IMPG2: variants seen among roughly 807,000 people sequenced by gnomAD.
IMPG2 encodes the protein IPM 200.
IMPG2 carries 91 observed loss-of-function variants against 129.2 expected under a neutral mutation model. That is an observed-to-expected ratio of 0.70 (90% confidence interval 0.59 to 0.84). IMPG2 has a LOEUF of 0.84. Ranked by LOEUF, IMPG2 falls within the 40% of genes least tolerant of loss-of-function variation. The probability of loss-of-function intolerance (pLI) is 0.00; values close to 1 mark genes in which losing one functional copy is unlikely to be tolerated. For missense variants in IMPG2, 1,430 were observed against 1,461.7 expected, an observed-to-expected ratio of 0.98 and a Z score of 0.35; for synonymous variants, 510 against 517.7, an observed-to-expected ratio of 0.99 and a Z score of 0.20.
At chr3:101,236,894 G>C (rs1706352231) in intron 14 of IMPG2, among the ~76,000 whole-genome samples, 1 of 152,178 alleles carries the variant, frequency 6.6e-6, no homozygotes, top group African/African-American at 2.4e-5. Flanking sequence ...AAAGGAGGCT[G>C]AAGCCAGGGA....
At chr3:101,300,216 A>G (rs1707125611) in intron 3 of IMPG2, among the ~76,000 whole-genome samples, 1 of 152,226 alleles carries the variant, frequency 6.6e-6, no homozygotes, top group African/African-American at 2.4e-5. Context: ...ACTGTGGGGT[A>G]TACCTCTTGG....
intron 11 of IMPG2, among the ~76,000 whole-genome samples, chr3:101,246,418 T>C (rs1300542313): frequency 6.6e-6 from 1 of 152,232 alleles, no homozygotes; most frequent in African/African-American, 2.4e-5. Context: ...TTCATTTTCC[T>C]CTGTGTTTTT....
intron 7 of IMPG2, among the ~76,000 whole-genome samples, chr3:101,269,923 A>ATTTTT (rs1559649689): frequency 2.2e-5 from 3 of 133,974 alleles, no homozygotes; most frequent in Non-Finnish European, 4.9e-5. Flanking sequence ...ATTTTATTTT[A>ATTTTT]TTCTTTTTTT....
Position 101,264,899 on chromosome 3 carries a change from C to T in IMPG2, c.908+2612G>A, listed in dbSNP as rs143065157. On this transcript the variant is annotated intron_variant, in intron 9 of 18. Transcript: ENST00000193391. ...AAAAAAATCCAGTGGCATTCCTATA[C>T]ACAAGTAACAATCTAGCTGAGAAAA... Among the ~76,000 whole-genome samples, 698 of 151,680 alleles carry T rather than the reference C, an allele frequency of 4.6e-3. 7 individuals are homozygous for T. Among genetic ancestry groups the T allele is most frequent in the Middle Eastern group, 0.01 (3 of 294 alleles).
intron 2 of IMPG2, among the ~76,000 whole-genome samples, chr3:101,308,549 A>G (rs1707228531): frequency 6.6e-6 from 1 of 152,216 alleles, no homozygotes; most frequent in African/African-American, 2.4e-5. Context: ...GCTGGCACAC[A>G]GGGCACCAAC....
At chr3:101,246,820 T>A (rs943562132) in intron 11 of IMPG2, among the ~76,000 whole-genome samples, 12 of 152,176 alleles carry the variant, frequency 7.9e-5, no homozygotes, top group African/African-American at 2.7e-4. Context: ...TGTACAATGA[T>A]CAGCCAGGCA....
At chr3:101,305,312 G>A (rs998084887) in intron 2 of IMPG2, among the ~76,000 whole-genome samples, 15 of 152,086 alleles carry the variant, frequency 9.9e-5, no homozygotes, top group African/African-American at 3.6e-4. Flanking sequence ...AAAGATCAGT[G>A]GTTTCCAGGG....
intron 10 of IMPG2, among the ~76,000 whole-genome samples, chr3:101,256,126 GAGAAAGAA>G (rs200258460): frequency 1.5e-5 from 1 of 68,060 alleles, no homozygotes. Context: ...AAAAGAAAGA[GAGAAAGAA>G]AGAAAGAAAG....
At chr3:101,285,593 C>T (rs1706938204) in intron 4 of IMPG2, among the ~76,000 whole-genome samples, 1 of 152,154 alleles carries the variant, frequency 6.6e-6, no homozygotes, top group Non-Finnish European at 1.5e-5. Context: ...AGCCAGGCCA[C>T]ATGGTACGTA....
At chr3:101,248,433 T>C (rs1023222010) in intron 11 of IMPG2, among the ~76,000 whole-genome samples, 1 of 152,200 alleles carries the variant, frequency 6.6e-6, no homozygotes, top group Non-Finnish European at 1.5e-5. Flanking sequence ...GTCTCAGGTA[T>C]GTCTTTATCA....
intron 14 of IMPG2, among the ~76,000 whole-genome samples, chr3:101,240,538 G>C (rs537334314): frequency 1.5e-4 from 23 of 152,280 alleles, no homozygotes; most frequent in African/African-American, 5.3e-4. Flanking sequence ...GCTTAGAATA[G>C]TCTCATAAAA....
At chr3:101,267,423 G>T in intron 9 of IMPG2, 88 bp downstream of exon 9, 1 of 1,093,552 alleles carries the variant, frequency 9.1e-7, no homozygotes, top group South Asian at 1.3e-5. Flanking sequence ...TATAATATTT[G>T]AGTTATGCTC....
intron 9 of IMPG2, among the ~76,000 whole-genome samples, chr3:101,260,332 T>C (rs147496590): frequency 7.0e-4 from 107 of 152,308 alleles, no homozygotes; most frequent in Admixed American, 2.4e-3. Flanking sequence ...TGCTTGTCTC[T>C]AGAACTTTCC....
intron 2 of IMPG2, among the ~76,000 whole-genome samples, chr3:101,317,972 AC>A (rs993525199): frequency 2.6e-5 from 4 of 151,788 alleles, no homozygotes; most frequent in South Asian, 4.2e-4. Flanking sequence ...ACACAAAAAA[AC>A]AAAACAAAAA....
chr3:101,316,008 G>A (rs1400192957), intron 2 of IMPG2, among the ~76,000 whole-genome samples: 1 of 152,042 alleles, frequency 6.6e-6, no homozygotes, highest in African/African-American at 2.4e-5. Flanking sequence ...CAACAAAGGT[G>A]CAAAGCCAAG....
intron 3 of IMPG2, among the ~76,000 whole-genome samples, chr3:101,293,353 G>A (rs1707041974): frequency 6.6e-6 from 1 of 152,098 alleles, no homozygotes; most frequent in Non-Finnish European, 1.5e-5. Context: ...GAGCTCTTGG[G>A]TGGCTATGAG....
intron 2 of IMPG2, among the ~76,000 whole-genome samples, chr3:101,309,962 A>C (rs947875805): frequency 6.6e-6 from 1 of 152,234 alleles, no homozygotes; most frequent in Non-Finnish European, 1.5e-5. Context: ...AGTCCTAGGA[A>C]AGTGAAAATA....
intron 3 of IMPG2, among the ~76,000 whole-genome samples, chr3:101,298,676 T>G (rs2107132680): frequency 6.6e-6 from 1 of 152,332 alleles, no homozygotes; most frequent in South Asian, 2.1e-4. Flanking sequence ...TGGCTGAACA[T>G]GAAATTCTGG....
chr3:101,269,480 A>T, intron 8 of IMPG2, 35 bp downstream of exon 8: 1 of 1,139,132 alleles, frequency 8.8e-7, no homozygotes, highest in Non-Finnish European at 1.3e-6. Flanking sequence ...AAAGAATACT[A>T]CTGAAAATGT....
Sources: gnomAD v4.1 joint callset for allele counts (sites outside exome capture counted in the v4.1 genomes callset) on GRCh38, gnomAD v4.1.1 for gene constraint, MANE v1.5 for transcripts, NCBI Gene and HGNC (gene_info 2026-07-23, HGNC 2026-07-21) for gene names.